The following CHI3L2 variants were observed in gnomAD, a reference collection of about 807,000 sequenced individuals.
CHI3L2 encodes the protein chitinase 3 like 2.
Under a neutral mutation model 47.3 loss-of-function variants are expected in CHI3L2, and 47 were observed. The observed-to-expected ratio is 0.99, with a 90% CI of 0.79 to 1.27. The LOEUF (loss-of-function observed/expected upper bound fraction) is 1.27, where lower values mean the gene tolerates loss of function less well. Ranked by LOEUF, CHI3L2 falls within the 50% of genes most tolerant of loss-of-function variation. The probability of loss-of-function intolerance (pLI) is 0.00; values close to 1 mark genes in which losing one functional copy is unlikely to be tolerated. For missense variants in CHI3L2, 497 were observed against 462.1 expected, an observed-to-expected ratio of 1.08 and a Z score of -0.69; for synonymous variants, 198 against 169.9, an observed-to-expected ratio of 1.17 and a Z score of -1.28.
intron 2 of CHI3L2, 142 bp from the exon 3 acceptor site, chr1:111,230,600 A>G (rs1659686032): frequency 1.5e-6 from 1 of 677,594 alleles, no homozygotes; most frequent in African/African-American, 1.8e-5. Flanking sequence ...AGCCAGCACT[A>G]AAGGCCCAGG....
In CHI3L2 at chr1:111,238,885, G is replaced by A. The variant is rs747531579; in HGVS notation, c.871G>A (p.Ala291Thr). 3.1e-6 allele frequency: 5 copies of A among 1,612,698 alleles called. No homozygotes were observed. The highest frequency in any genetic ancestry group is 4.2e-6 in the Non-Finnish European group (5 of 1,179,416). The change falls in exon 8 of 11, where the codon GCT becomes ACT. Residue 291 changes from alanine to threonine, a missense_variant. Coordinates refer to ENST00000369748, the MANE Select transcript of CHI3L2 (RefSeq NM_004000.3). Reference sequence around the variant, plus strand: ...GGGGGCCCCTGCCTCTGGCCCTGGAGCTGCTGGACCCATCACAGAGTCTTC... The same window carrying A: ...GGGGGCCCCTGCCTCTGGCCCTGGAACTGCTGGACCCATCACAGAGTCTTC... ...TVGAPASGPG[A>T]AGPITESSGF... is the part of the protein sequence containing the mutation.
At chr1:111,235,130 A>G in intron 5 of CHI3L2, 73 bp downstream of exon 5, 10 of 1,501,170 alleles carry the variant, frequency 6.7e-6, no homozygotes, top group South Asian at 4.7e-5. Context: ...TCCAGAATCC[A>G]TGGCCACATT....
chr1:111,231,922 T>A (rs1475911656), intron 4 of CHI3L2, among the ~76,000 whole-genome samples: 2 of 152,242 alleles, frequency 1.3e-5, no homozygotes, highest in East Asian at 3.8e-4. Flanking sequence ...TACATAAGGA[T>A]AAATATCACA....
chr1:111,234,126 T>C (rs1659808151), intron 4 of CHI3L2, among the ~76,000 whole-genome samples: 1 of 144,790 alleles, frequency 6.9e-6, no homozygotes, highest in Non-Finnish European at 1.5e-5. Context: ...TGACCTTCCC[T>C]CCACTATTGT....
intron 4 of CHI3L2, among the ~76,000 whole-genome samples, chr1:111,232,069 G>C (rs372557309): frequency 6.6e-6 from 1 of 152,174 alleles, no homozygotes; most frequent in South Asian, 2.1e-4. Context: ...AAATCTGATA[G>C]TACAACTTGT....
rs576937425 is a variant in CHI3L2, at chr1:111,242,002, C to T, written c.1036-225C>T. 2.6e-5 allele frequency among the ~76,000 whole-genome samples: 4 copies of T among 152,138 alleles called. 1 individual carries two copies. The highest frequency in any genetic ancestry group is 4.1e-4 in the South Asian group (2 of 4,822). On this transcript the variant is annotated intron_variant, in intron 9 of 10. Transcript: ENST00000369748. ...GAGTTTTCTCAGCCTCCAAGAATGC[C>T]GGACCTTGAGTGTGGTGACTCAAGT...
chr1:111,235,961 T>C (rs1322050290), intron 6 of CHI3L2, 63 bp from the exon 7 acceptor site: 1 of 1,595,590 alleles, frequency 6.3e-7, no homozygotes, highest in East Asian at 2.2e-5. Context: ...CCAAAACAAT[T>C]ACTTACAATT....
Position 111,243,265 on chromosome 1 carries a change from G to A in CHI3L2, c.*51G>A, listed in dbSNP as rs994665376. On this transcript the variant is annotated 3_prime_UTR_variant, in exon 11 of 11. Transcript: ENST00000369748. ...AAGATGACCTTGCTGCCTGGGGCCT[G>A]CTCTCTCCCAGGAATTCTCATGTGG... The A allele has an allele frequency of 1.3e-5, 6 of 456,042 alleles. No homozygotes were observed. In the Admixed American group the frequency reaches 1.4e-4, roughly 11 times the overall value. The allele number at this position is 456,042 out of a possible 1,614,324, so 28.2% of individuals were successfully genotyped here. A position where few individuals can be genotyped will look rare whatever the true frequency, so the allele number is the denominator to read the frequency against.
At chr1:111,233,497 A>G (rs1318918108) in intron 4 of CHI3L2, among the ~76,000 whole-genome samples, 1 of 152,202 alleles carries the variant, frequency 6.6e-6, no homozygotes, top group Non-Finnish European at 1.5e-5. Context: ...TAAGCCCACC[A>G]CATTGCAAAC....
intron 7 of CHI3L2, among the ~76,000 whole-genome samples, chr1:111,236,401 T>TC (rs964838514): frequency 1.3e-5 from 2 of 152,144 alleles, no homozygotes; most frequent in East Asian, 3.9e-4. Flanking sequence ...GCTCAGAGTG[T>TC]CCCCCATCCC....
rs769519545 is a variant in CHI3L2 at position 111,238,878 on chromosome 1, C to A, written c.864C>A (p.Gly288=). ...CCACCGTGGGGGCCCCTGCCTCTGG[C>A]CCTGGAGCTGCTGGACCCATCACAG... ...AETTVGAPAS[G]PGAAGPITES... is the part of the protein sequence containing the mutation. The change falls in exon 8 of 11, where the codon GGC becomes GGA. Residue 288 remains glycine (G), a synonymous_variant. Transcript: ENST00000369748. The A allele has an allele frequency of 6.2e-7, 1 of 1,613,448 alleles. No individual in the cohort carries two copies. Among genetic ancestry groups the A allele is most frequent in the South Asian group, 1.1e-5 (1 of 90,934 alleles).
intron 10 of CHI3L2, chr1:111,242,631 A>ATG (rs386368067): frequency 7.2e-6 from 2 of 278,660 alleles, no homozygotes; most frequent in Admixed American, 9.4e-5. Flanking sequence ...TTACATATAT[A>ATG]TTAGGGATAA....
At chr1:111,232,913 A>T (rs1348107334) in intron 4 of CHI3L2, among the ~76,000 whole-genome samples, 1 of 152,226 alleles carries the variant, frequency 6.6e-6, no homozygotes, top group Non-Finnish European at 1.5e-5. Context: ...ATATCAGGCC[A>T]GTTTCTTGCT....
Position 111,236,134 on chromosome 1 carries a change from C to T in CHI3L2, c.716C>T (p.Pro239Leu). The change falls in exon 7 of 11, where the codon CCA becomes CTA. Residue 239 changes from proline to leucine, a missense_variant. Pro to Leu is a moderately conservative substitution (Grantham distance 98). Transcript: ENST00000369748. ...PLSKGWQDRGPSSYYNVEYAV... is the reference protein window; with the variant it reads ...PLSKGWQDRGLSSYYNVEYAV... ...AGCAAGGGGTGGCAGGACAGAGGGC[C>T]AAGCTCCTACTACAATGTGGTGAGT... The T allele has an allele frequency of 6.2e-7, 1 of 1,614,102 alleles. No individual in the cohort carries two copies. Among genetic ancestry groups the T allele is most frequent in the Non-Finnish European group, 8.5e-7 (1 of 1,180,008 alleles).
At chr1:111,238,106 G>A (rs1659935671) in intron 7 of CHI3L2, among the ~76,000 whole-genome samples, 1 of 152,188 alleles carries the variant, frequency 6.6e-6, no homozygotes, top group Non-Finnish European at 1.5e-5. Context: ...GCAGCTTCTA[G>A]TTGTCCTGCG....
At chr1:111,241,499 A>G in intron 9 of CHI3L2, 56 bp downstream of exon 9, 1 of 878,320 alleles carries the variant, frequency 1.1e-6, no homozygotes, top group Non-Finnish European at 1.9e-6. Context: ...TATGTAGTAA[A>G]ATGCCTGAAT....
chr1:111,243,352 G>C lies in CHI3L2; in HGVS notation c.*138G>C. The stretch of plus-strand genomic sequence containing the variant: ...CCAAGCCTTTCCTGACTTCCTCTTA[G>C]ATCATAGATTGGACCTGGTTTTGTT... On this transcript the variant is annotated 3_prime_UTR_variant, in exon 11 of 11. Transcript: ENST00000369748. 1 of 418,176 alleles carries C rather than the reference G, an allele frequency of 2.4e-6. No individual in the cohort carries two copies. Among genetic ancestry groups the C allele is most frequent in the Non-Finnish European group, 4.8e-6 (1 of 207,978 alleles). 25.9% of individuals were successfully genotyped at this position (418,176 alleles called of 1,614,324 possible).
At chr1:111,241,975 G>T (rs553594581) in intron 9 of CHI3L2, among the ~76,000 whole-genome samples, 2 of 152,268 alleles carry the variant, frequency 1.3e-5, no homozygotes, top group East Asian at 3.9e-4. Flanking sequence ...CCTTATTATG[G>T]AGAGTTTTCT....
intron 8 of CHI3L2, 100 bp downstream of exon 8, chr1:111,239,032 G>C (rs1659970888): frequency 1.2e-5 from 14 of 1,214,972 alleles, no homozygotes; most frequent in Non-Finnish European, 1.6e-5. Context: ...GTGTTGCGAA[G>C]GGGAAAGGGC....
Sources: allele counts gnomAD v4.1 joint callset (sites outside exome capture counted in the v4.1 genomes callset), GRCh38; gene constraint gnomAD v4.1.1; transcripts MANE v1.5; gene names NCBI Gene and HGNC (gene_info 2026-07-23, HGNC 2026-07-21).